Variants in FBXO47 observed in about 807,000 individuals in gnomAD.
FBXO47 encodes F-box only protein 47.
A neutral mutation model predicts 53.9 loss-of-function variants in FBXO47; 34 were observed. The ratio of observed to expected loss-of-function variants is 0.63; its 90% CI spans 0.48 to 0.84. The LOEUF (loss-of-function observed/expected upper bound fraction) is 0.84, where lower values mean the gene tolerates loss of function less well. Ranked by LOEUF, FBXO47 falls within the 40% of genes least tolerant of loss-of-function variation. The pLI is 0.00. For synonymous variants in FBXO47, 165 were observed against 181.6 expected (o/e 0.91, Z 0.73); for missense variants, 485 against 541.3 (o/e 0.90, Z 1.03).
intron 1 of FBXO47, among the ~76,000 whole-genome samples, chr17:38,966,280 C>CA (rs1906120311): frequency 1.3e-5 from 2 of 152,138 alleles, no homozygotes; most frequent in Admixed American, 1.3e-4. Flanking sequence ...CGGCTCACTG[C>CA]AAGCTCCGCC....
intron 5 of FBXO47, 77 bp from the exon 6 acceptor site, chr17:38,951,766 C>G: frequency 2.7e-6 from 3 of 1,112,598 alleles, no homozygotes; most frequent in Non-Finnish European, 2.7e-6. Flanking sequence ...CATGGTGGCT[C>G]ACGCCTGTAA....
intron 6 of FBXO47, among the ~76,000 whole-genome samples, chr17:38,945,616 T>A (rs907342520): frequency 3.9e-5 from 6 of 151,900 alleles, no homozygotes; most frequent in Non-Finnish European, 8.8e-5. Context: ...CTGGCCAATA[T>A]GGCGAAACCC....
At chr17:38,946,353 T>TGA (rs1904829162) in intron 6 of FBXO47, among the ~76,000 whole-genome samples, 1 of 85,948 alleles carries the variant, frequency 1.2e-5, no homozygotes, top group African/African-American at 5.8e-5. Context: ...AATATATAAA[T>TGA]ATATATAAAT....
intron 3 of FBXO47, among the ~76,000 whole-genome samples, chr17:38,959,599 A>G (rs113720312): frequency 0.019 from 2,836 of 150,120 alleles, 39 homozygotes; most frequent in Non-Finnish European, 0.032. Flanking sequence ...AAAAAAAAAA[A>G]AAAAGAAAAT....
chr17:38,943,643 C>T lies in FBXO47; in HGVS notation c.887G>A (p.Ser296Asn). Reference protein sequence around the residue: ...ADAIKLLYDASTKEWTADDVI... With the variant: ...ADAIKLLYDANTKEWTADDVI... ...ATCATCTGCTGTCCACTCTTTAGTG[C>T]TAGCGTCATATAGTAACTTAATGGC... The change falls in exon 8 of 11, where the codon AGC (serine) becomes AAC (asparagine). Residue 296 changes from serine to asparagine, a missense_variant. Coordinates refer to ENST00000378079, the MANE Select transcript of FBXO47 (RefSeq NM_001008777.3). 1.9e-6 allele frequency: 3 copies of T among 1,609,522 alleles called. No homozygotes were observed. The highest frequency in any genetic ancestry group is 2.5e-6 in the Non-Finnish European group (3 of 1,178,040).
At chr17:38,946,382 A>AC (rs1567716686) in intron 6 of FBXO47, among the ~76,000 whole-genome samples, 1 of 84,906 alleles carries the variant, frequency 1.2e-5, no homozygotes, top group Non-Finnish European at 1.9e-5. Context: ...ATATATATAA[A>AC]TATATATATC....
Position 38,962,908 on chromosome 17 carries a change from T to C in FBXO47, c.118A>G (p.Thr40Ala). Residue 40 changes from threonine to alanine, a missense_variant, in exon 2 of 11, where the codon ACA becomes GCA. By Grantham distance (58) the Thr-to-Ala change is moderately conservative. Coordinates refer to ENST00000378079, the MANE Select transcript of FBXO47 (RefSeq NM_001008777.3). ...TLGSGFQPIS[T>A]FGNFKALPLE... Reference sequence around the variant, plus strand: ...GGTAAGGCTTTAAAATTTCCAAATGTTGATATGGGTTGAAAGCCTGAGCCA... The same window carrying C: ...GGTAAGGCTTTAAAATTTCCAAATGCTGATATGGGTTGAAAGCCTGAGCCA... 2 of 1,613,302 alleles carry C rather than the reference T, an allele frequency of 1.2e-6. No homozygotes were observed. The highest frequency in any genetic ancestry group is 8.5e-7 in the Non-Finnish European group (1 of 1,179,438).
Position 38,951,692 on chromosome 17 carries a change from G to T in FBXO47, c.508-3C>A. The T allele has an allele frequency of 6.2e-7, 1 of 1,600,496 alleles. No individual in the cohort carries two copies. The highest frequency in any genetic ancestry group is 8.5e-7 in the Non-Finnish European group (1 of 1,169,728). On this transcript the variant is annotated splice_polypyrimidine_tract_variant and splice_region_variant and intron_variant, in intron 5 of 10. Coordinates refer to ENST00000378079, the MANE Select transcript of FBXO47 (RefSeq NM_001008777.3). The stretch of plus-strand genomic sequence containing the variant: ...TCATCCCAACCTGCTGTTAAGGTCT[G>T]AGGAAAATAAAGAAAACATTGTGGA...
chr17:38,946,614 C>CTATATAAATATATATGAA lies in FBXO47; in HGVS notation c.617-1496_617-1479dup, dbSNP rs1242097847. ...TATATAAATATATGAATATATATAACTATATAAATATATATGAATATATAA... is the reference window on the plus strand; with the variant it reads ...TATATAAATATATGAATATATATAACTATATAAATATATATGAATATATAAATATATATGAATATATAA... On this transcript the variant is annotated intron_variant, in intron 6 of 10. Coordinates refer to ENST00000378079, the MANE Select transcript of FBXO47 (RefSeq NM_001008777.3). Among the ~76,000 whole-genome samples the CTATATAAATATATATGAA allele has an allele frequency of 1.9e-3, 19 of 9,840 alleles. 2 individuals are homozygous for CTATATAAATATATATGAA. Among genetic ancestry groups the CTATATAAATATATATGAA allele is most frequent in the South Asian group, 0.013 (4 of 312 alleles). The allele number at this position is 9,840 out of a possible 152,430, so 6.5% of individuals were successfully genotyped here.
At chr17:38,939,694 T>C (rs1162145897) in intron 9 of FBXO47, among the ~76,000 whole-genome samples, 2 of 120,738 alleles carry the variant, frequency 1.7e-5, no homozygotes, top group Non-Finnish European at 3.2e-5. Flanking sequence ...GGAGTCTCAC[T>C]CTGTCGCCCA....
chr17:38,953,880 T>C (rs907031401), intron 5 of FBXO47, among the ~76,000 whole-genome samples: 2 of 152,190 alleles, frequency 1.3e-5, no homozygotes, highest in Admixed American at 1.3e-4. Flanking sequence ...AGAAGACTAG[T>C]AGGAGGGCTT....
chr17:38,958,419 T>A (rs1272886249), intron 3 of FBXO47, among the ~76,000 whole-genome samples: 3 of 151,380 alleles, frequency 2.0e-5, no homozygotes, highest in Non-Finnish European at 2.9e-5. Context: ...TATCCTTTTA[T>A]GGGACTTGCA....
chr17:38,938,766 A>G (rs118182432), intron 9 of FBXO47, 34 bp from the exon 10 acceptor site: 188 of 1,485,428 alleles, frequency 1.3e-4, no homozygotes, highest in Non-Finnish European at 1.7e-4. Flanking sequence ...ATAAACCTTC[A>G]TGTGAAGAAA....
chr17:38,938,476 T>C (rs76980675), intron 10 of FBXO47, 97 bp downstream of exon 10: 9 of 821,618 alleles, frequency 1.1e-5, no homozygotes, highest in African/African-American at 8.6e-5. Context: ...TTTTTTTTTT[T>C]CCATTCTTGG....
chr17:38,956,326 A>G (rs112166712), intron 4 of FBXO47, among the ~76,000 whole-genome samples: 5,476 of 151,900 alleles, frequency 0.036, 287 homozygotes, highest in African/African-American at 0.11. Context: ...GGTGGCTCAT[A>G]CCTGTAATCC....
At chr17:38,952,030 AAAAC>A (rs1252397868) in intron 5 of FBXO47, among the ~76,000 whole-genome samples, 1 of 151,902 alleles carries the variant, frequency 6.6e-6, no homozygotes, top group Admixed American at 6.6e-5. Context: ...TCTGTCACAA[AAAAC>A]AAACAAAACA....
At chr17:38,966,669 T>C (rs1175236130) in intron 1 of FBXO47, among the ~76,000 whole-genome samples, 2 of 152,180 alleles carry the variant, frequency 1.3e-5, no homozygotes, top group African/African-American at 4.8e-5. Context: ...ACTACATACA[T>C]GTTTAAAATA....
At chr17:38,954,745 T>G (rs1905465611) in intron 5 of FBXO47, 111 bp downstream of exon 5, 1 of 574,496 alleles carries the variant, frequency 1.7e-6, no homozygotes, top group Admixed American at 3.7e-5. Flanking sequence ...TTTATTTTGC[T>G]CTTTTTAAGA....
intron 3 of FBXO47, 77 bp from the exon 4 acceptor site, chr17:38,957,330 C>A: frequency 9.8e-7 from 1 of 1,017,498 alleles, no homozygotes; most frequent in Non-Finnish European, 1.5e-6. Context: ...AATAATGTTT[C>A]CTGAAAGTCA....
Sources: gnomAD v4.1 joint callset for allele counts (sites outside exome capture counted in the v4.1 genomes callset) on GRCh38, gnomAD v4.1.1 for gene constraint, MANE v1.5 for transcripts, NCBI Gene and HGNC (gene_info 2026-07-23, HGNC 2026-07-21) for gene names.